Variants in SENP6 observed in about 807,000 individuals in gnomAD.
SENP6 encodes sentrin-specific protease 6.
In SENP6, 41 loss-of-function variants were observed where a neutral mutation model predicts 134.5. That is an observed-to-expected ratio of 0.30 (90% confidence interval 0.24 to 0.40). SENP6 has a LOEUF of 0.40. Among genes scored for constraint, SENP6 ranks in the 10% least tolerant of loss-of-function variants. SENP6 has a pLI of 1.00. For missense variants in SENP6, 1,248 were observed against 1,312.5 expected, an observed-to-expected ratio of 0.95 and a Z score of 0.76; for synonymous variants, 395 against 429.8, an observed-to-expected ratio of 0.92 and a Z score of 1.00.
chr6:75,663,635 C>A, intron 9 of SENP6, 117 bp downstream of exon 9: 1 of 778,206 alleles, frequency 1.3e-6, no homozygotes, highest in Non-Finnish European at 2.0e-6. Flanking sequence ...GAGCTTAAAA[C>A]TAATCTTGTT....
At chr6:75,686,477 T>G (rs1259946702) in intron 16 of SENP6, among the ~76,000 whole-genome samples, 2 of 152,198 alleles carry the variant, frequency 1.3e-5, no homozygotes, top group Non-Finnish European at 2.9e-5. Flanking sequence ...ATTGATGCAG[T>G]TTCTTCATAG....
chr6:75,672,108 C>A (rs569765806), intron 11 of SENP6, among the ~76,000 whole-genome samples: 1 of 152,280 alleles, frequency 6.6e-6, no homozygotes, highest in African/African-American at 2.4e-5. Flanking sequence ...TTTGTTACAG[C>A]CCTCATACTG....
At chr6:75,690,292 G>A (rs2149890223) in intron 16 of SENP6, among the ~76,000 whole-genome samples, 1 of 152,278 alleles carries the variant, frequency 6.6e-6, no homozygotes, top group South Asian at 2.1e-4. Context: ...AAACAATCCT[G>A]CTGTCCATTG....
intron 1 of SENP6, among the ~76,000 whole-genome samples, chr6:75,604,618 C>G (rs1473493986): frequency 7.1e-6 from 1 of 141,218 alleles, no homozygotes; most frequent in African/African-American, 2.5e-5. Flanking sequence ...GAGCGAGATT[C>G]TGTCTCCAAA....
chr6:75,697,344 C>T (rs1017994418), intron 17 of SENP6, 81 bp from the exon 18 acceptor site: 3 of 986,078 alleles, frequency 3.0e-6, no homozygotes, highest in Middle Eastern at 2.3e-4. Context: ...ACATCTGAAT[C>T]TTCTTAATTT....
rs567631035 is a variant in SENP6, at chr6:75,685,689, A to T, written c.2075+6762A>T. ...TTCAGGAGCAAGTTGTTCAGTTTCCATGTAGTTGTGCAGTTTTGAGTGAGT... is the reference window on the plus strand; with the variant it reads ...TTCAGGAGCAAGTTGTTCAGTTTCCTTGTAGTTGTGCAGTTTTGAGTGAGT... On this transcript the variant is annotated intron_variant, in intron 16 of 23. Transcript: ENST00000447266. 4.6e-5 allele frequency among the ~76,000 whole-genome samples: 7 copies of T among 152,228 alleles called. No individual in the cohort carries two copies. The East Asian group carries it at 1.4e-3, about 29-fold the overall frequency.
chr6:75,659,341 C>G lies in SENP6; in HGVS notation c.630C>G (p.His210Gln). 2 of 1,610,998 alleles carry G rather than the reference C, an allele frequency of 1.2e-6. No homozygotes were observed. The highest frequency in any genetic ancestry group is 1.7e-6 in the Non-Finnish European group (2 of 1,177,378). Reference sequence around the variant, plus strand: ...AGAGGAAAGTACAACAGAAACGACACTGTAGTACCTATCAGCCTACTCCTC... The same window carrying G: ...AGAGGAAAGTACAACAGAAACGACAGTGTAGTACCTATCAGCCTACTCCTC... The part of the protein sequence containing the change: ...EIKRKVQQKR[H>Q]CSTYQPTPPL... The change falls in exon 8 of 24, where the codon CAC becomes CAG. Residue 210 changes from histidine (H) to glutamine (Q), a missense_variant. His to Gln is a conservative substitution (Grantham distance 24, BLOSUM62 0). Around this residue, in one of 3 missense-constraint regions of SENP6, gnomAD observed 733 missense variants for 725.4 expected, o/e 1.01. Coordinates refer to ENST00000447266, the MANE Select transcript of SENP6 (RefSeq NM_015571.4).
At chr6:75,652,422 A>G (rs1181426389) in intron 7 of SENP6, among the ~76,000 whole-genome samples, 1 of 152,070 alleles carries the variant, frequency 6.6e-6, no homozygotes, top group Non-Finnish European at 1.5e-5. Flanking sequence ...TTAAAATATT[A>G]TTACTGTACT....
Position 75,678,678 on chromosome 6 carries a change from T to C in SENP6, c.1944T>C (p.Ile648=), listed in dbSNP as rs1298880758. ...EETGENHTIF[I]GPVEKLIVYP... is the part of the protein sequence containing the mutation. The stretch of plus-strand genomic sequence containing the variant: ...CTGGAGAAAACCACACCATCTTCAT[T>C]GGCCCAGTAGAAAAGTGAGAGAATT... The change falls in exon 15 of 24, where the codon ATT becomes ATC. Residue 648 remains isoleucine (I), a synonymous_variant. Coordinates refer to ENST00000447266, the MANE Select transcript of SENP6 (RefSeq NM_015571.4). 2 of 1,586,168 alleles carry C rather than the reference T, an allele frequency of 1.3e-6. No homozygotes were observed. Among genetic ancestry groups the C allele is most frequent in the Admixed American group, 1.7e-5 (1 of 58,670 alleles).
intron 16 of SENP6, among the ~76,000 whole-genome samples, chr6:75,686,082 T>G (rs1436944881): frequency 1.3e-5 from 2 of 149,666 alleles, no homozygotes; most frequent in South Asian, 2.1e-4. Flanking sequence ...GGTGCTCCTG[T>G]ATTGGGTGCA....
chr6:75,660,494 A>G (rs1255095006), intron 8 of SENP6, among the ~76,000 whole-genome samples: 1 of 152,104 alleles, frequency 6.6e-6, no homozygotes, highest in African/African-American at 2.4e-5. Context: ...TTGATGCTTC[A>G]ATTGTCCCAG....
At chr6:75,707,169 C>T (rs1775455522) in intron 19 of SENP6, among the ~76,000 whole-genome samples, 1 of 152,102 alleles carries the variant, frequency 6.6e-6, no homozygotes, top group Non-Finnish European at 1.5e-5. Flanking sequence ...TATATGACCA[C>T]AGTTTACATA....
chr6:75,605,348 A>G (rs1268895771), intron 1 of SENP6, among the ~76,000 whole-genome samples: 2 of 152,234 alleles, frequency 1.3e-5, no homozygotes, highest in African/African-American at 4.8e-5. Flanking sequence ...CTTCTGTCTT[A>G]GGTTCTGTGA....
At chr6:75,634,205 T>C (rs1357156070) in intron 4 of SENP6, among the ~76,000 whole-genome samples, 1 of 152,190 alleles carries the variant, frequency 6.6e-6, no homozygotes, top group Non-Finnish European at 1.5e-5. Context: ...TCTCAATTTA[T>C]ACATAGACAA....
At chr6:75,689,959 C>A (rs1221561674) in intron 16 of SENP6, among the ~76,000 whole-genome samples, 2 of 152,022 alleles carry the variant, frequency 1.3e-5, no homozygotes, top group Admixed American at 1.3e-4. Context: ...ATTCTGTCAC[C>A]CATGATGGAG....
chr6:75,623,973 T>C lies in SENP6; in HGVS notation c.207+13T>C. 1 of 1,593,186 alleles carries C rather than the reference T, an allele frequency of 6.3e-7. No homozygotes were observed. Among genetic ancestry groups the C allele is most frequent in the Non-Finnish European group, 8.6e-7 (1 of 1,166,782 alleles). On this transcript the variant is annotated intron_variant, in intron 3 of 23. Coordinates refer to ENST00000447266, the MANE Select transcript of SENP6 (RefSeq NM_015571.4). The stretch of plus-strand genomic sequence containing the variant: ...AAAAGGAAAAAAGGCAAGTGTTGCT[T>C]AAAATATTTTCTTCTTTTACATTAT...
chr6:75,694,439 T>C lies in SENP6; in HGVS notation c.2076-1365T>C, dbSNP rs530371854. On this transcript the variant is annotated intron_variant, in intron 16 of 23. Transcript: ENST00000447266. The stretch of plus-strand genomic sequence containing the variant: ...TAAACAATACATAATGATAACAGCT[T>C]TACTTAGATATAATACATATAACAT... Among the ~76,000 whole-genome samples, 4 of 152,364 alleles carry C rather than the reference T, an allele frequency of 2.6e-5. No individual in the cohort carries two copies. In the South Asian group the frequency reaches 8.3e-4, roughly 32 times the overall value.
chr6:75,607,412 A>G (rs1289119301), intron 1 of SENP6, among the ~76,000 whole-genome samples: 2 of 152,068 alleles, frequency 1.3e-5, no homozygotes, highest in Non-Finnish European at 2.9e-5. Context: ...GATGGTGGCT[A>G]GCTTGTTCCT....
chr6:75,699,530 C>T lies in SENP6; in HGVS notation c.2288+2013C>T, dbSNP rs140635725. On this transcript the variant is annotated intron_variant, in intron 18 of 23. Coordinates refer to ENST00000447266, the MANE Select transcript of SENP6 (RefSeq NM_015571.4). ...CGAGATAGGGTCTCTGTCTGTCACT[C>T]AGGCTGGAATGTAGTAGCATGATGT... 1.9e-3 allele frequency among the ~76,000 whole-genome samples: 294 copies of T among 152,122 alleles called. 2 individuals carry two copies. The highest frequency in any genetic ancestry group is 6.6e-3 in the African/African-American group (272 of 41,500).
Sources: gnomAD v4.1 joint callset for allele counts (sites outside exome capture counted in the v4.1 genomes callset) on GRCh38, gnomAD v4.1.1 for gene constraint, gnomAD v4.1.1 regional missense constraint, MANE v1.5 for transcripts, NCBI Gene and HGNC (gene_info 2026-07-23, HGNC 2026-07-21) for gene names.